Variants in FBLN2 observed in about 807,000 individuals in gnomAD.
FBLN2 encodes fibulin-2.
A neutral mutation model predicts 123.7 loss-of-function variants in FBLN2; 81 were observed. The ratio of observed to expected loss-of-function variants is 0.65; its 90% CI spans 0.55 to 0.79. The LOEUF is 0.79. Among genes scored for constraint, FBLN2 ranks in the 30% least tolerant of loss-of-function variants. The probability of loss-of-function intolerance (pLI) is 0.00; values close to 1 mark genes in which losing one functional copy is unlikely to be tolerated. For missense variants in FBLN2, 1,603 were observed against 1,681.3 expected (o/e 0.95, Z 0.81); for synonymous variants, 699 against 701.4 (o/e 1.00, Z 0.05).
intron 1 of FBLN2, among the ~76,000 whole-genome samples, chr3:13,553,447 G>A (rs560374625): frequency 1.3e-5 from 2 of 152,278 alleles, no homozygotes; most frequent in African/African-American, 2.4e-5. Flanking sequence ...AGCCAGCTCC[G>A]TCCACCTCCA....
At chr3:13,581,191 C>T (rs927742468) in intron 2 of FBLN2, among the ~76,000 whole-genome samples, 23 of 70,662 alleles carry the variant, frequency 3.3e-4, no homozygotes, top group African/African-American at 1.2e-3. Context: ...GCCACACACA[C>T]GCGGGGAAGT....
chr3:13,549,918 CAG>C (rs1703277583), intron 1 of FBLN2, among the ~76,000 whole-genome samples: 1 of 152,214 alleles, frequency 6.6e-6, no homozygotes, highest in South Asian at 2.1e-4. Flanking sequence ...ATGCCTCTAG[CAG>C]ACAGTTGTGT....
chr3:13,630,946 CCCTGCAGTTT>C (rs1706234811), intron 15 of FBLN2, 131 bp downstream of exon 15: 2 of 716,218 alleles, frequency 2.8e-6, no homozygotes, highest in South Asian at 3.7e-5. Context: ...CAAGCCCCAG[CCCTGCAGTTT>C]CCTGGCTGTG....
At chr3:13,593,305 G>A (rs1256183495) in intron 2 of FBLN2, among the ~76,000 whole-genome samples, 2 of 152,196 alleles carry the variant, frequency 1.3e-5, no homozygotes, top group Non-Finnish European at 2.9e-5. Context: ...CACTCACATT[G>A]TGATATAAAC....
At chr3:13,636,780 A>G (rs1240355639) in intron 17 of FBLN2, among the ~76,000 whole-genome samples, 1 of 152,232 alleles carries the variant, frequency 6.6e-6, no homozygotes, top group East Asian at 1.9e-4. Context: ...ACACACAGAA[A>G]ACACCAGCCC....
At chr3:13,585,203 C>T (rs769846272) in intron 2 of FBLN2, among the ~76,000 whole-genome samples, 4 of 152,136 alleles carry the variant, frequency 2.6e-5, no homozygotes, top group African/African-American at 4.8e-5. Context: ...GCCTCACACC[C>T]CCCACCAGCC....
intron 2 of FBLN2, 113 bp downstream of exon 2, chr3:13,571,774 A>G: frequency 1.6e-6 from 2 of 1,231,874 alleles, no homozygotes; most frequent in Non-Finnish European, 2.1e-6. Context: ...CTGTGGGGCC[A>G]GGCCTAGGGT....
chr3:13,555,425 C>T (rs1703436100), intron 1 of FBLN2, among the ~76,000 whole-genome samples: 1 of 151,528 alleles, frequency 6.6e-6, no homozygotes, highest in African/African-American at 2.4e-5. Flanking sequence ...TGAGTGTTCC[C>T]TGTTTTTTTT....
At chr3:13,568,923 G>C in intron 1 of FBLN2, 1 of 985,770 alleles carries the variant, frequency 1.0e-6, no homozygotes, top group African/African-American at 1.7e-5. Flanking sequence ...TGCAGAGGAG[G>C]CGTTCCTTTA....
chr3:13,617,020 G>A (rs1385716787), intron 5 of FBLN2, among the ~76,000 whole-genome samples: 2 of 152,192 alleles, frequency 1.3e-5, no homozygotes, highest in African/African-American at 2.4e-5. Context: ...TTTAGTGAGA[G>A]CTTCTTTGTG....
chr3:13,561,424 C>A (rs1559398410), intron 1 of FBLN2, among the ~76,000 whole-genome samples: 1 of 152,010 alleles, frequency 6.6e-6, no homozygotes, highest in East Asian at 1.9e-4. Context: ...TGTGTCCCCA[C>A]CCCCCCGCCA....
intron 1 of FBLN2, among the ~76,000 whole-genome samples, chr3:13,565,684 C>G (rs1006457143): frequency 6.6e-6 from 1 of 152,226 alleles, no homozygotes; most frequent in Non-Finnish European, 1.5e-5. Flanking sequence ...CCAACCCTCA[C>G]CCCTCCTAGG....
intron 2 of FBLN2, among the ~76,000 whole-genome samples, chr3:13,602,381 T>C (rs1201670001): frequency 6.6e-6 from 1 of 152,236 alleles, no homozygotes; most frequent in Non-Finnish European, 1.5e-5. Flanking sequence ...TCTGTTCTTA[T>C]TTTTCAGAAA....
intron 2 of FBLN2, among the ~76,000 whole-genome samples, chr3:13,574,001 G>C (rs574996755): frequency 6.6e-6 from 1 of 151,972 alleles, no homozygotes; most frequent in Non-Finnish European, 1.5e-5. Flanking sequence ...GTCCACAGGC[G>C]GTGGCCTGAG....
rs1575000430 is a variant in FBLN2, at chr3:13,630,038, C to A, written c.2968+93C>A. ...GCCCAGAGCCTTCTGTGACCCTTCA[C>A]CCTTACACCTTCACCCTCACACCTT... On this transcript the variant is annotated intron_variant, in intron 14 of 17. Coordinates refer to ENST00000404922, the MANE Select transcript of FBLN2 (RefSeq NM_001004019.2). 8.5e-6 allele frequency: 13 copies of A among 1,528,762 alleles called. No homozygotes were observed. In the East Asian group the frequency reaches 3.1e-4, roughly 36 times the overall value. 94.7% of individuals were successfully genotyped at this position (1,528,762 alleles called of 1,614,324 possible). A position where few individuals can be genotyped will look rare whatever the true frequency, so the allele number is the denominator to read the frequency against.
At chr3:13,626,248 C>T (rs188413319) in intron 9 of FBLN2, among the ~76,000 whole-genome samples, 197 bp from the exon 10 acceptor site, 67 of 152,308 alleles carry the variant, frequency 4.4e-4, no homozygotes, top group African/African-American at 1.5e-3. Context: ...GTGCTTGGTG[C>T]ATAGCAGGTG....
intron 2 of FBLN2, among the ~76,000 whole-genome samples, chr3:13,584,240 C>T (rs1461980963): frequency 1.3e-5 from 2 of 152,232 alleles, no homozygotes; most frequent in South Asian, 2.1e-4. Context: ...CCACAAAGTA[C>T]ACTACAGGCA....
chr3:13,619,066 G>A (rs367771581), intron 7 of FBLN2, 49 bp downstream of exon 7: 25 of 1,445,200 alleles, frequency 1.7e-5, no homozygotes, highest in Non-Finnish European at 1.9e-5. Flanking sequence ...GGTCCAGGGG[G>A]TGGGTCTGGG....
At chr3:13,621,116 C>G (rs1705836197) in intron 8 of FBLN2, among the ~76,000 whole-genome samples, 1 of 152,236 alleles carries the variant, frequency 6.6e-6, no homozygotes, top group African/African-American at 2.4e-5. Context: ...TGCGCATCCC[C>G]AGGACCCCCT....
Sources: gnomAD v4.1 joint callset for allele counts (sites outside exome capture counted in the v4.1 genomes callset) on GRCh38, gnomAD v4.1.1 for gene constraint, MANE v1.5 for transcripts, NCBI Gene and HGNC (gene_info 2026-07-23, HGNC 2026-07-21) for gene names.